Variants in DHRS4L2 observed in about 807,000 individuals in gnomAD.
The protein encoded by DHRS4L2 is dehydrogenase/reductase 4 like 2, also known as dehydrogenase/reductase SDR family member 4-like 2.
Under a neutral mutation model 23.9 loss-of-function variants are expected in DHRS4L2, and 22 were observed. The ratio of observed to expected loss-of-function variants is 0.92; its 90% CI spans 0.66 to 1.31. DHRS4L2 has a LOEUF of 1.31. Among genes scored for constraint, DHRS4L2 ranks in the 40% most tolerant of loss-of-function variants. The pLI, the probability that DHRS4L2 is intolerant of heterozygous loss-of-function variation, is 0.00. For missense variants in DHRS4L2, 385 were observed against 303.3 expected (o/e 1.27, Z -2.00); for synonymous variants, 141 against 123.7 (o/e 1.14, Z -0.93).
chr14:24,004,577 C>A (rs10140489), intron 7 of DHRS4L2, 185 bp downstream of exon 7: 193,221 of 850,480 alleles, frequency 0.23, 34,075 homozygotes, highest in East Asian at 0.59. Context: ...CTTCCCTTTC[C>A]AAAGGTAAAC....
chr14:24,000,477 T>G (rs1481377126), intron 3 of DHRS4L2, among the ~76,000 whole-genome samples: 1 of 151,954 alleles, frequency 6.6e-6, no homozygotes, highest in Non-Finnish European at 1.5e-5. Flanking sequence ...CAGGCCACAT[T>G]TTCCCTGAGA....
At chr14:23,974,839 A>C (rs1275005177) in intron 1 of DHRS4L2, among the ~76,000 whole-genome samples, 1 of 151,876 alleles carries the variant, frequency 6.6e-6, no homozygotes, top group Non-Finnish European at 1.5e-5. Flanking sequence ...AGCTGGTACT[A>C]TTCCTTCTGA....
intron 1 of DHRS4L2, among the ~76,000 whole-genome samples, chr14:23,977,816 C>A (rs1165603359): frequency 6.6e-6 from 1 of 151,522 alleles, no homozygotes; most frequent in African/African-American, 2.4e-5. Context: ...GACCAGATGA[C>A]AAAAACCCAC....
intron 3 of DHRS4L2, among the ~76,000 whole-genome samples, chr14:23,995,961 G>A (rs537033750): frequency 2.0e-4 from 31 of 151,918 alleles, no homozygotes; most frequent in South Asian, 4.2e-4. Flanking sequence ...TTTGGCTTAC[G>A]ATACTGCAGA....
At chr14:23,974,944 A>G (rs960217123) in intron 1 of DHRS4L2, among the ~76,000 whole-genome samples, 2 of 151,804 alleles carry the variant, frequency 1.3e-5, no homozygotes, top group African/African-American at 4.8e-5. Context: ...GAGACACAAC[A>G]AAACAAAGAA....
intron 1 of DHRS4L2, among the ~76,000 whole-genome samples, chr14:23,981,043 T>C (rs2034042504): frequency 6.6e-6 from 1 of 151,808 alleles, no homozygotes; most frequent in Non-Finnish European, 1.5e-5. Flanking sequence ...GACATGATTG[T>C]ATATTTAGAA....
intron 3 of DHRS4L2, among the ~76,000 whole-genome samples, chr14:23,996,781 C>A (rs1307154046): frequency 1.8e-4 from 28 of 151,376 alleles, no homozygotes; most frequent in African/African-American, 6.5e-4. Flanking sequence ...CCTGGGACTA[C>A]AGGCATGTGC....
Position 24,001,486 on chromosome 14 carries a change from C to G in DHRS4L2, c.634C>G (p.Leu212Val). 1 of 1,604,136 alleles carries G rather than the reference C, an allele frequency of 6.2e-7. No individual in the cohort carries two copies. The highest frequency in any genetic ancestry group is 8.5e-7 in the Non-Finnish European group (1 of 1,177,786). The change falls in exon 6 of 8, where the codon CTG becomes GTG. Residue 212 changes from leucine (L) to valine (V), a missense_variant. Coordinates refer to ENST00000335125, the MANE Select transcript of DHRS4L2 (RefSeq NM_198083.4). Reference sequence around the variant, plus strand: ...GAACATTAGGGTGAACTGCCTGCACCTGGACTTATCAAGACTAGCTTCAGC... The same window carrying G: ...GAACATTAGGGTGAACTGCCTGCACGTGGACTTATCAAGACTAGCTTCAGC... ...PRNIRVNCLH[L>V]DLSRLASAGC... is the part of the protein sequence containing the mutation.
At chr14:23,998,197 A>G (rs552634198) in intron 3 of DHRS4L2, among the ~76,000 whole-genome samples, 2 of 152,140 alleles carry the variant, frequency 1.3e-5, no homozygotes, top group Admixed American at 6.5e-5. Context: ...AAACCATGCT[A>G]TAAACAGATG....
chr14:23,990,450 T>G, intron 2 of DHRS4L2, 91 bp downstream of exon 2: 2 of 1,465,784 alleles, frequency 1.4e-6, no homozygotes, highest in Non-Finnish European at 1.8e-6. Flanking sequence ...AGCAGCACAT[T>G]TTTACTGTGT....
Position 23,990,296 on chromosome 14 carries a change from G to A in DHRS4L2, c.243G>A (p.Leu81=), listed in dbSNP as rs1052728921. ...QAVATLQGEG[L]SVTGTVCHVG... Reference sequence around the variant, plus strand: ...TGGCCACGCTGCAGGGGGAGGGGCTGAGCGTGACGGGCACTGTGTGCCATG... The same window carrying A: ...TGGCCACGCTGCAGGGGGAGGGGCTAAGCGTGACGGGCACTGTGTGCCATG... Residue 81 remains leucine (L), a synonymous_variant, in exon 2 of 8, where the codon CTG becomes CTA. Transcript: ENST00000335125. 3 of 1,612,236 alleles carry A rather than the reference G, an allele frequency of 1.9e-6. No individual in the cohort carries two copies. Among genetic ancestry groups the A allele is most frequent in the Non-Finnish European group, 2.5e-6 (3 of 1,179,144 alleles).
At chr14:23,990,119 C>A in intron 1 of DHRS4L2, 63 bp from the exon 2 acceptor site, 1 of 1,596,824 alleles carries the variant, frequency 6.3e-7, no homozygotes, top group Non-Finnish European at 8.5e-7. Flanking sequence ...AACTTCAGAG[C>A]CCATGCTGTC....
At chr14:23,976,568 C>T (rs1289968615) in intron 1 of DHRS4L2, among the ~76,000 whole-genome samples, 1 of 151,678 alleles carries the variant, frequency 6.6e-6, no homozygotes, top group African/African-American at 2.4e-5. Flanking sequence ...GATCTAGAAC[C>T]AGAAATACCA....
At chr14:23,973,652 G>C (rs1487659582) in intron 1 of DHRS4L2, among the ~76,000 whole-genome samples, 5 of 151,886 alleles carry the variant, frequency 3.3e-5, no homozygotes, top group African/African-American at 4.8e-5. Flanking sequence ...AGGAGACAAA[G>C]AAGGCCATCA....
chr14:23,972,714 C>A (rs182701487), intron 1 of DHRS4L2, among the ~76,000 whole-genome samples: 3 of 151,592 alleles, frequency 2.0e-5, no homozygotes, highest in African/African-American at 4.8e-5. Context: ...TACCAAGGAC[C>A]TGCACCGGCA....
chr14:24,005,680 T>C (rs1594480982), intron 7 of DHRS4L2, among the ~76,000 whole-genome samples: 1 of 151,986 alleles, frequency 6.6e-6, no homozygotes, highest in South Asian at 2.1e-4. Context: ...TTATGGGTAA[T>C]AGTTTTGCAG....
chr14:24,004,360 G>A lies in DHRS4L2; in HGVS notation c.689G>A (p.Arg230Lys), dbSNP rs1174062919. 2 of 1,603,984 alleles carry A rather than the reference G, an allele frequency of 1.2e-6. No homozygotes were observed. The highest frequency in any genetic ancestry group is 8.5e-7 in the Non-Finnish European group (1 of 1,178,598). Residue 230 changes from arginine to lysine, a missense_variant, in exon 7 of 8, where the codon AGG becomes AAG. Physicochemically the swap from Arg to Lys is conservative, Grantham distance 26. Transcript: ENST00000335125. ...AGCTCTGGATGGACAAGGAAAAAGA[G>A]GAAAGCATGAAAGAAACCCTGCGGA... ...AGCSGWTRKK[R>K]KA is the part of the protein sequence containing the mutation.
At position 23,998,264 on chromosome 14, in the gene DHRS4L2, C is replaced by T. The variant is rs553447020; in HGVS notation, c.409-2599C>T. ...CAGAGCACAGGCAGAGTAGATTTAG[C>T]GTAAATCTTGAGAGCCCTAGAATTT... On this transcript the variant is annotated intron_variant, in intron 3 of 7. Transcript: ENST00000335125. Among the ~76,000 whole-genome samples the T allele has an allele frequency of 4.3e-3, 656 of 152,026 alleles. 1 individual carries two copies. The highest frequency in any genetic ancestry group is 0.015 in the African/African-American group (625 of 41,550).
upstream of DHRS4L2, among the ~76,000 whole-genome samples, chr14:23,988,452 C>T (rs1202465477): frequency 2.7e-5 from 4 of 149,806 alleles, no homozygotes; most frequent in Non-Finnish European, 4.5e-5. Flanking sequence ...TCCAGCCTCA[C>T]CTGGTGGACT....
Sources: gnomAD v4.1 joint callset for allele counts (sites outside exome capture counted in the v4.1 genomes callset) on GRCh38, gnomAD v4.1.1 for gene constraint, MANE v1.5 for transcripts, NCBI Gene and HGNC (gene_info 2026-07-23, HGNC 2026-07-21) for gene names.